RYR3: variants seen among roughly 807,000 people sequenced by gnomAD.
The protein encoded by RYR3 is ryanodine receptor 3.
Under a neutral mutation model 584.3 loss-of-function variants are expected in RYR3, and 207 were observed. That is an observed-to-expected ratio of 0.35 (90% CI 0.32 to 0.40). The LOEUF (loss-of-function observed/expected upper bound fraction) is 0.40, where lower values mean the gene tolerates loss of function less well. Ranked by LOEUF, RYR3 falls within the 10% of genes least tolerant of loss-of-function variation. The pLI is 1.00. For synonymous variants in RYR3, 2,416 were observed against 2,248.5 expected (o/e 1.07, Z -2.11); for missense variants, 5,616 against 6,089.2 (o/e 0.92, Z 2.59).
chr15:33,525,049 C>T (rs1014821416), intron 3 of RYR3, among the ~76,000 whole-genome samples: 4 of 152,108 alleles, frequency 2.6e-5, no homozygotes, highest in Middle Eastern at 3.2e-3. Flanking sequence ...TAGACTCTTC[C>T]GTTGCATGCT....
intron 1 of RYR3, among the ~76,000 whole-genome samples, chr15:33,370,114 T>G (rs1034716878): frequency 5.3e-5 from 8 of 152,220 alleles, no homozygotes; most frequent in Non-Finnish European, 1.2e-4. Context: ...GTAGGAGTCT[T>G]GATACCATGG....
intron 3 of RYR3, among the ~76,000 whole-genome samples, chr15:33,510,174 C>T (rs1280987625): frequency 6.6e-6 from 1 of 152,176 alleles, no homozygotes; most frequent in Non-Finnish European, 1.5e-5. Flanking sequence ...CAGCCTGTTT[C>T]GGTGACAAAG....
chr15:33,407,860 C>A (rs193170824), intron 1 of RYR3, among the ~76,000 whole-genome samples: 3 of 152,110 alleles, frequency 2.0e-5, no homozygotes, highest in Admixed American at 6.5e-5. Context: ...AACATGTGAG[C>A]ATTTCCTGTG....
chr15:33,842,929 C>G (rs1217234435), intron 91 of RYR3, among the ~76,000 whole-genome samples: 1 of 152,178 alleles, frequency 6.6e-6, no homozygotes, highest in East Asian at 1.9e-4. Flanking sequence ...AAAGCCAGAG[C>G]AGGATTCTTT....
chr15:33,393,894 T>C (rs2042149130), intron 1 of RYR3, among the ~76,000 whole-genome samples: 1 of 152,242 alleles, frequency 6.6e-6, no homozygotes, highest in Non-Finnish European at 1.5e-5. Context: ...CGAGGCATTC[T>C]ATGATACGAT....
At chr15:33,451,193 G>T (rs2047093792) in intron 1 of RYR3, among the ~76,000 whole-genome samples, 1 of 152,168 alleles carries the variant, frequency 6.6e-6, no homozygotes, top group African/African-American at 2.4e-5. Context: ...GCACAGAGCT[G>T]GTACATAACA....
In RYR3 at chr15:33,859,097, G is replaced by C. The variant is rs151056044; in HGVS notation, c.14143-478G>C. 673 of 154,856 alleles carry C rather than the reference G, an allele frequency of 4.3e-3. 7 individuals are homozygous for C. The highest frequency in any genetic ancestry group is 0.016 in the African/African-American group (653 of 41,602). 9.6% of individuals were successfully genotyped at this position (154,856 alleles called of 1,614,324 possible). ...CCCGTGCCTAGATTGGCTCAAACCT[G>C]CAGAACAGGAGGAGCAGAAAAGTCC... is the stretch of plus-strand genomic sequence containing the variant. On this transcript the variant is annotated intron_variant, in intron 99 of 103. Coordinates refer to ENST00000634891, the MANE Select transcript of RYR3 (RefSeq NM_001036.6).
chr15:33,387,592 C>T (rs1371053146), intron 1 of RYR3, among the ~76,000 whole-genome samples: 3 of 150,348 alleles, frequency 2.0e-5, no homozygotes, highest in Non-Finnish European at 4.4e-5. Context: ...TAAGGATCAC[C>T]AGATATTTGA....
intron 45 of RYR3, among the ~76,000 whole-genome samples, chr15:33,725,731 G>A (rs944759135): frequency 6.6e-6 from 1 of 151,476 alleles, no homozygotes; most frequent in East Asian, 2.0e-4. Flanking sequence ...AGGCCGAGAT[G>A]GGCAGATCAC....
At chr15:33,425,849 A>C (rs530240868) in intron 1 of RYR3, among the ~76,000 whole-genome samples, 1 of 151,926 alleles carries the variant, frequency 6.6e-6, no homozygotes, top group Admixed American at 6.6e-5. Context: ...TCACCGTGTT[A>C]GCCAGGATGG....
chr15:33,383,394 G>T (rs1394906094), intron 1 of RYR3, among the ~76,000 whole-genome samples: 1 of 151,238 alleles, frequency 6.6e-6, no homozygotes, highest in African/African-American at 2.4e-5. Context: ...TGTCATATTT[G>T]TGGTACCTCT....
intron 1 of RYR3, among the ~76,000 whole-genome samples, chr15:33,464,489 T>TACACAC (rs140850611): frequency 1.5e-5 from 1 of 67,452 alleles, no homozygotes; most frequent in African/African-American, 8.3e-5. Context: ...TATATATATA[T>TACACAC]ACACATATAT....
intron 93 of RYR3, 75 bp from the exon 94 acceptor site, chr15:33,848,216 T>G: frequency 1.3e-6 from 2 of 1,582,300 alleles, no homozygotes; most frequent in Non-Finnish European, 1.7e-6. Flanking sequence ...GAAGGTTAAT[T>G]TGTGACAAAT....
chr15:33,858,059 C>A, intron 99 of RYR3, 145 bp downstream of exon 99: 1 of 1,064,816 alleles, frequency 9.4e-7, no homozygotes, highest in Non-Finnish European at 1.3e-6. Flanking sequence ...AAGTAGAAGA[C>A]AGATGTCTTC....
rs1207190523 is a variant in RYR3, at chr15:33,859,557, C to CTTAT, written c.14143-15_14143-12dup. On this transcript the variant is annotated splice_polypyrimidine_tract_variant and intron_variant, in intron 99 of 103. Coordinates refer to ENST00000634891, the MANE Select transcript of RYR3 (RefSeq NM_001036.6). ...AACTGTGACTTTTGCCTAAATCCCC[C>CTTAT]TTATTTTTCTTCTCTAGTGTTACCT... The CTTAT allele has an allele frequency of 6.2e-7, 1 of 1,613,282 alleles. No homozygotes were observed. Among genetic ancestry groups the CTTAT allele is most frequent in the African/African-American group, 1.3e-5 (1 of 74,910 alleles).
intron 66 of RYR3, 102 bp from the exon 67 acceptor site, chr15:33,788,116 C>A: frequency 1.4e-6 from 2 of 1,438,608 alleles, no homozygotes; most frequent in Non-Finnish European, 1.9e-6. Flanking sequence ...AGGTGCCATC[C>A]TGAGTCGATG....
intron 3 of RYR3, among the ~76,000 whole-genome samples, chr15:33,513,159 A>G (rs1057324150): frequency 6.6e-6 from 1 of 152,224 alleles, no homozygotes; most frequent in African/African-American, 2.4e-5. Context: ...TATTTATTAG[A>G]GTTTTCCTTT....
chr15:33,474,872 C>T (rs565346914), intron 2 of RYR3, among the ~76,000 whole-genome samples: 1 of 152,280 alleles, frequency 6.6e-6, no homozygotes, highest in African/African-American at 2.4e-5. Flanking sequence ...TTGTACTTCT[C>T]CCTCCCTTGT....
intron 1 of RYR3, among the ~76,000 whole-genome samples, chr15:33,384,756 A>G (rs2041468567): frequency 6.6e-6 from 1 of 151,938 alleles, no homozygotes. Context: ...AACTATAATC[A>G]CCATGTTGTA....
Sources: gnomAD v4.1 joint callset for allele counts (sites outside exome capture counted in the v4.1 genomes callset) on GRCh38, gnomAD v4.1.1 for gene constraint, MANE v1.5 for transcripts, NCBI Gene and HGNC (gene_info 2026-07-23, HGNC 2026-07-21) for gene names.